ASIC2: variants seen among roughly 807,000 people sequenced by gnomAD.
ASIC2 encodes acid-sensing ion channel 2.
ASIC2 carries 25 observed loss-of-function variants against 57.3 expected under a neutral mutation model. The observed-to-expected ratio is 0.44, with a 90% confidence interval of 0.32 to 0.61. The LOEUF (loss-of-function observed/expected upper bound fraction) is 0.61, where lower values mean the gene tolerates loss of function less well. ASIC2 is among the 20% of genes least tolerant of loss of function. ASIC2 has a pLI of 0.06. For missense variants in ASIC2, 641 were observed against 738.1 expected (o/e 0.87, Z 1.52); for synonymous variants, 319 against 307.5 (o/e 1.04, Z -0.39).
chr17:33,883,254 A>G (rs193276615), intron 1 of ASIC2, among the ~76,000 whole-genome samples: 14 of 152,298 alleles, frequency 9.2e-5, no homozygotes, highest in African/African-American at 3.1e-4. Context: ...TAATAATATT[A>G]ATAAAAAAAG....
intron 1 of ASIC2, among the ~76,000 whole-genome samples, chr17:33,607,140 A>G (rs1281786718): frequency 6.6e-6 from 1 of 152,092 alleles, no homozygotes; most frequent in Non-Finnish European, 1.5e-5. Context: ...GGATCACAGG[A>G]CCCAGGGGCA....
chr17:33,655,095 G>A (rs970041006), intron 1 of ASIC2, among the ~76,000 whole-genome samples: 2 of 152,182 alleles, frequency 1.3e-5, no homozygotes, highest in African/African-American at 4.8e-5. Context: ...ACAAGTGGTA[G>A]CCCTTTTAGA....
At chr17:33,468,919 C>A (rs544989568) in intron 1 of ASIC2, among the ~76,000 whole-genome samples, 46 of 152,172 alleles carry the variant, frequency 3.0e-4, no homozygotes, top group Admixed American at 5.2e-4. Flanking sequence ...ATGGACACTG[C>A]GGACTGGACA....
chr17:33,596,448 G>A (rs1904981062), intron 1 of ASIC2, among the ~76,000 whole-genome samples: 1 of 152,204 alleles, frequency 6.6e-6, no homozygotes, highest in African/African-American at 2.4e-5. Context: ...TAACGGGGGA[G>A]AAAAGGTAAG....
At chr17:33,386,764 C>T (rs777234007) in intron 1 of ASIC2, among the ~76,000 whole-genome samples, 1 of 151,840 alleles carries the variant, frequency 6.6e-6, no homozygotes, top group African/African-American at 2.4e-5. Flanking sequence ...TCTGATCTCT[C>T]GGCCTCATTT....
At chr17:33,865,550 AT>A (rs1301121353) in intron 1 of ASIC2, among the ~76,000 whole-genome samples, 1 of 152,118 alleles carries the variant, frequency 6.6e-6, no homozygotes, top group African/African-American at 2.4e-5. Flanking sequence ...TACTGTACAT[AT>A]TATTTCATAA....
In ASIC2 at chr17:33,894,702, A is replaced by G. The variant is rs144859438; in HGVS notation, c.555+261276T>C. 2.2e-3 allele frequency among the ~76,000 whole-genome samples: 338 copies of G among 152,282 alleles called. 2 individuals are homozygous for G. The highest frequency in any genetic ancestry group is 7.9e-3 in the African/African-American group (328 of 41,550). On this transcript the variant is annotated intron_variant, in intron 1 of 9. Transcript: ENST00000359872. ...TAATCCATTGGTGTTTTGCAAGTGA[A>G]CGTGTGAGAGAAGTGCTATGTTCAA...
At chr17:33,577,925 CCATT>C (rs1456112123) in intron 1 of ASIC2, among the ~76,000 whole-genome samples, 1 of 152,134 alleles carries the variant, frequency 6.6e-6, no homozygotes, top group Non-Finnish European at 1.5e-5. Context: ...GTTGAAAATG[CCATT>C]ATTAGCATTT....
At chr17:33,682,060 CTT>C (rs58085265) in intron 1 of ASIC2, among the ~76,000 whole-genome samples, 11 of 122,736 alleles carry the variant, frequency 9.0e-5, no homozygotes, top group Admixed American at 1.7e-4. Flanking sequence ...TCAGTGACAT[CTT>C]TTTTTTTTTT....
rs527641694 is a variant in ASIC2, at chr17:33,832,957, C to T, written c.555+323021G>A. ...AGTAAAATATGGCAAGTACATATTA[C>T]GGAATATTATGTAGTAGTTAGATAA... On this transcript the variant is annotated intron_variant, in intron 1 of 9. Transcript: ENST00000359872. Among the ~76,000 whole-genome samples, 18 of 152,052 alleles carry T rather than the reference C, an allele frequency of 1.2e-4. No homozygotes were observed. In the East Asian group the frequency reaches 2.5e-3, roughly 21 times the overall value.
chr17:33,435,534 A>G (rs1442482505), intron 1 of ASIC2, among the ~76,000 whole-genome samples: 2 of 152,126 alleles, frequency 1.3e-5, no homozygotes, highest in Non-Finnish European at 2.9e-5. Context: ...TCCTACCCCC[A>G]CTGCCGCCAT....
intron 1 of ASIC2, among the ~76,000 whole-genome samples, chr17:33,613,139 A>G (rs1309070885): frequency 1.3e-5 from 2 of 152,212 alleles, no homozygotes; most frequent in African/African-American, 4.8e-5. Flanking sequence ...GTTTTAGTAT[A>G]TAGAGATAGA....
intron 1 of ASIC2, among the ~76,000 whole-genome samples, chr17:33,832,149 T>A (rs1913132705): frequency 6.6e-6 from 1 of 152,234 alleles, no homozygotes; most frequent in South Asian, 2.1e-4. Context: ...AGGACCTACA[T>A]CATTGGTTAA....
intron 1 of ASIC2, among the ~76,000 whole-genome samples, chr17:33,948,109 T>C (rs530287254): frequency 2.6e-5 from 4 of 152,208 alleles, no homozygotes; most frequent in Non-Finnish European, 5.9e-5. Context: ...CACTGTACTG[T>C]GCTAGGTGGG....
chr17:33,859,282 A>T lies in ASIC2; in HGVS notation c.555+296696T>A, dbSNP rs1322358219. 2.0e-5 allele frequency among the ~76,000 whole-genome samples: 3 copies of T among 152,228 alleles called. 1 individual carries two copies. The highest frequency in any genetic ancestry group is 2.0e-4 in the Admixed American group (3 of 15,286). On this transcript the variant is annotated intron_variant, in intron 1 of 9. Transcript: ENST00000359872. ...CTCCAGGCTAGAAGCTATAGCCTCA[A>T]TTCCTAGTTCTATAGCACAATAAAA...
intron 1 of ASIC2, among the ~76,000 whole-genome samples, chr17:33,860,815 A>T (rs570472359): frequency 1.3e-5 from 2 of 152,352 alleles, no homozygotes; most frequent in Admixed American, 6.5e-5. Flanking sequence ...GGTAGACACC[A>T]GTTGACCATT....
At chr17:33,146,666 G>A (rs1904575506) in intron 1 of ASIC2, among the ~76,000 whole-genome samples, 1 of 152,216 alleles carries the variant, frequency 6.6e-6, no homozygotes, top group Non-Finnish European at 1.5e-5. Context: ...CATGCCTCTG[G>A]AGCTCGGAGA....
chr17:33,675,345 A>G (rs1285391830), intron 1 of ASIC2, among the ~76,000 whole-genome samples: 2 of 151,928 alleles, frequency 1.3e-5, no homozygotes, highest in East Asian at 1.9e-4. Context: ...TGTCCTGTCT[A>G]CTCTGGCATC....
chr17:33,441,661 C>T (rs1911827065), intron 1 of ASIC2, among the ~76,000 whole-genome samples: 1 of 152,020 alleles, frequency 6.6e-6, no homozygotes, highest in Non-Finnish European at 1.5e-5. Flanking sequence ...TCAGTGGTGC[C>T]CTCTCTCTAC....
Sources: gnomAD v4.1 joint callset for allele counts (sites outside exome capture counted in the v4.1 genomes callset) on GRCh38, gnomAD v4.1.1 for gene constraint, MANE v1.5 for transcripts, NCBI Gene and HGNC (gene_info 2026-07-23, HGNC 2026-07-21) for gene names.